The following RNASEH2B variants were observed in gnomAD, a reference collection of about 807,000 sequenced individuals.
RNASEH2B encodes the protein Aicardi-Goutieres syndrome 2 protein.
Under a neutral mutation model 45.0 loss-of-function variants are expected in RNASEH2B, and 36 were observed. The ratio of observed to expected loss-of-function variants is 0.80; its 90% confidence interval spans 0.61 to 1.06. The LOEUF (loss-of-function observed/expected upper bound fraction) is 1.06, where lower values mean the gene tolerates loss of function less well. Ranked by LOEUF, RNASEH2B falls within the 50% of genes least tolerant of loss-of-function variation. The pLI is 0.00. For synonymous variants in RNASEH2B, 119 were observed against 125.7 expected (o/e 0.95, Z 0.35); for missense variants, 361 against 360.3 (o/e 1.00, Z -0.02).
downstream of RNASEH2B, among the ~76,000 whole-genome samples, chr13:50,958,027 C>G (rs1952073049): frequency 6.6e-6 from 1 of 152,004 alleles, no homozygotes; most frequent in African/African-American, 2.4e-5. Context: ...CATAGTTTCT[C>G]TCACTCTAGG....
At chr13:50,936,092 G>T (rs1335777351) in intron 5 of RNASEH2B, 1 of 152,314 alleles carries the variant, frequency 6.6e-6, no homozygotes, top group Non-Finnish European at 1.5e-5. Context: ...TGGGATCCTG[G>T]ACACAGGGAA....
At chr13:50,948,451 T>C (rs1205625492) in intron 8 of RNASEH2B, 1 of 173,444 alleles carries the variant, frequency 5.8e-6, no homozygotes, top group Non-Finnish European at 1.2e-5. Flanking sequence ...AATATTGATA[T>C]CATTTTCACT....
chr13:50,923,523 CAT>C (rs1356599983), intron 1 of RNASEH2B, among the ~76,000 whole-genome samples: 4 of 152,084 alleles, frequency 2.6e-5, no homozygotes. Flanking sequence ...AGTGGGATGA[CAT>C]ATTTAAGGTG....
chr13:50,930,876 G>A (rs1385024924), intron 4 of RNASEH2B, 117 bp downstream of exon 4: 2 of 825,618 alleles, frequency 2.4e-6, no homozygotes, highest in Non-Finnish European at 4.2e-6. Flanking sequence ...ATCTATTATA[G>A]TGACTAGAGA....
At chr13:50,959,468 T>A (rs1952088035), downstream of RNASEH2B, 1 of 152,182 alleles carries the variant, frequency 6.6e-6, no homozygotes, top group South Asian at 2.1e-4. Context: ...TTTGTTTTTT[T>A]TTTAGATGGA....
intron 9 of RNASEH2B, chr13:50,952,976 G>A (rs1951996434): frequency 6.6e-6 from 1 of 152,152 alleles, no homozygotes; most frequent in Non-Finnish European, 1.5e-5. Flanking sequence ...CCCGTTCTTT[G>A]TTTAGCAAAG....
chr13:50,964,727 C>G (rs886426838), intron 9 of RNASEH2B, among the ~76,000 whole-genome samples: 14 of 152,162 alleles, frequency 9.2e-5, no homozygotes, highest in African/African-American at 3.4e-4. Flanking sequence ...CCAGCAAAGT[C>G]GAGATCTTTA....
intron 1 of RNASEH2B, among the ~76,000 whole-genome samples, chr13:50,925,285 A>G (rs1192864924): frequency 6.6e-6 from 1 of 151,854 alleles, no homozygotes; most frequent in Non-Finnish European, 1.5e-5. Flanking sequence ...GCCTTTGTCT[A>G]TCAATTCTAT....
At chr13:50,929,379 A>G (rs1951646371) in intron 2 of RNASEH2B, 96 bp from the exon 3 acceptor site, 3 of 778,816 alleles carry the variant, frequency 3.9e-6, no homozygotes, top group Non-Finnish European at 6.8e-6. Context: ...CATATTAGGA[A>G]CATTCGTCAG....
intron 5 of RNASEH2B, chr13:50,941,329 G>A (rs1186812712): frequency 6.6e-6 from 1 of 152,282 alleles, no homozygotes; most frequent in Non-Finnish European, 1.5e-5. Context: ...GAGACAGCAT[G>A]TGCTGGGGTA....
chr13:50,931,745 G>C (rs924142342), intron 4 of RNASEH2B, among the ~76,000 whole-genome samples: 34 of 152,130 alleles, frequency 2.2e-4, no homozygotes, highest in Non-Finnish European at 4.9e-4. Flanking sequence ...AAATCAACAA[G>C]TAGTTTTTTA....
chr13:50,955,745 C>G (rs1181651501), intron 10 of RNASEH2B: 1 of 152,128 alleles, frequency 6.6e-6, no homozygotes, highest in Non-Finnish European at 1.5e-5. Context: ...TCTGCAAGTG[C>G]TTTATATAAG....
At chr13:50,913,083 T>C (rs1879519470) in intron 1 of RNASEH2B, 1 of 152,196 alleles carries the variant, frequency 6.6e-6, no homozygotes, top group South Asian at 2.1e-4. Flanking sequence ...ACTTGGGACG[T>C]TGGTTTTCAT....
chr13:50,969,855 C>A, intron 9 of RNASEH2B: 1 of 1,394,272 alleles, frequency 7.2e-7, no homozygotes, highest in Non-Finnish European at 1.0e-6. Flanking sequence ...GTTCTAGGAG[C>A]TGCAGATGGT....
rs759712178 is a variant in RNASEH2B, at chr13:50,945,472, A to G, written c.556A>G (p.Ser186Gly). The change falls in exon 7 of 11, where the codon AGT becomes GGT. Residue 186 changes from serine (S) to glycine (G), a missense_variant. By Grantham distance (56) the Ser-to-Gly change is moderately conservative. Coordinates refer to ENST00000336617, the MANE Select transcript of RNASEH2B (RefSeq NM_024570.4). ...AALKTNNVNV[S>G]SRVQSTAFFS... Reference sequence around the variant, plus strand: ...ATTAAAAACCAATAATGTGAATGTCAGTTCCCGGGTACAGTCAACTGCATT... The same window carrying G: ...ATTAAAAACCAATAATGTGAATGTCGGTTCCCGGGTACAGTCAACTGCATT... The G allele has an allele frequency of 1.2e-6, 2 of 1,613,738 alleles. No homozygotes were observed. The highest frequency in any genetic ancestry group is 1.7e-6 in the Non-Finnish European group (2 of 1,179,752).
chr13:50,925,450 T>C (rs1198544583), intron 1 of RNASEH2B, among the ~76,000 whole-genome samples: 2 of 152,244 alleles, frequency 1.3e-5, no homozygotes, highest in Non-Finnish European at 2.9e-5. Flanking sequence ...TGTATTTCTA[T>C]AAAATACCCT....
At chr13:50,945,316 C>G in intron 6 of RNASEH2B, 111 bp from the exon 7 acceptor site, 2 of 763,620 alleles carry the variant, frequency 2.6e-6, no homozygotes, top group Non-Finnish European at 4.7e-6. Context: ...TCTAGGTTCT[C>G]AAATACTTCT....
rs146378238 is a variant in RNASEH2B, at chr13:50,953,925, G to A, written c.762G>A (p.Glu254=). Residue 254 remains glutamate, a synonymous_variant, in exon 10 of 11, where the codon GAG becomes GAA. Coordinates refer to ENST00000336617, the MANE Select transcript of RNASEH2B (RefSeq NM_024570.4). ...PPSKKIKLSD[E]PVEAKEDYTK... ...TGCAGAAAATAAAGTTATCAGATGA[G>A]CCTGTAGAAGCAAAAGAAGATTACA... 4.9e-5 allele frequency: 78 copies of A among 1,605,572 alleles called. No individual in the cohort carries two copies. The African/African-American group carries it at 8.4e-4, about 17-fold the overall frequency.
chr13:50,968,307 G>A (rs528272626), intron 9 of RNASEH2B, among the ~76,000 whole-genome samples: 98 of 152,240 alleles, frequency 6.4e-4, no homozygotes, highest in South Asian at 1.0e-3. Flanking sequence ...GGCTGAGGAG[G>A]GAGAATTGCT....
Sources: gnomAD v4.1 joint callset for allele counts (sites outside exome capture counted in the v4.1 genomes callset) on GRCh38, gnomAD v4.1.1 for gene constraint, MANE v1.5 for transcripts, NCBI Gene and HGNC (gene_info 2026-07-23, HGNC 2026-07-21) for gene names.